The following FLT4 variants were observed in gnomAD, a reference collection of about 807,000 sequenced individuals.
The protein encoded by FLT4 is vascular endothelial growth factor receptor 3.
Under a neutral mutation model 163.2 loss-of-function variants are expected in FLT4, and 30 were observed. The ratio of observed to expected loss-of-function variants is 0.18; its 90% CI spans 0.14 to 0.25. The LOEUF (loss-of-function observed/expected upper bound fraction) is 0.25, where lower values mean the gene tolerates loss of function less well. FLT4 is among the 10% of genes least tolerant of loss of function. The pLI is 1.00. For synonymous variants in FLT4, 884 were observed against 789.5 expected (o/e 1.12, Z -2.01); for missense variants, 1,510 against 1,863.8 (o/e 0.81, Z 3.50).
Position 180,611,333 on chromosome 5 carries a change from G to A in FLT4, c.3684C>T (p.Ala1228=). ...CCTGGACCTGCAGGACAGCTGACCT[G>A]GCGGCCAGGCTGTGGCGCTGCAGGC... The part of the protein sequence containing the change: ...PPSLQRHSLA[A]RYYNWVSFPG... Residue 1228 remains alanine (A), a splice_region_variant and synonymous_variant, in exon 27 of 30, where the codon GCC becomes GCT. Coordinates refer to ENST00000261937, the MANE Select transcript of FLT4 (RefSeq NM_182925.5). 6.2e-7 allele frequency: 1 copy of A among 1,613,878 alleles called. No homozygotes were observed. The highest frequency in any genetic ancestry group is 8.5e-7 in the Non-Finnish European group (1 of 1,179,980).
chr5:180,624,743 C>G (rs905666404), intron 10 of FLT4, among the ~76,000 whole-genome samples: 2 of 152,226 alleles, frequency 1.3e-5, no homozygotes, highest in African/African-American at 4.8e-5. Context: ...GCATCTCTGC[C>G]CAGCCTCTCC....
rs1434560734 is a variant in FLT4, at chr5:180,630,699, C to A, written c.256G>T (p.Gly86Cys). ...TTGCAGTAGGGCCTGGCGTCTGTGC[C>A]CTCGCAGTCTCGCACCACCCCCGTG... is the stretch of plus-strand genomic sequence containing the variant. ...EDTGVVRDCE[G>C]TDARPYCKVL... The change falls in exon 3 of 30, where the codon GGC (glycine) becomes TGC (cysteine). Residue 86 changes from glycine to cysteine, a missense_variant. Gly to Cys is a radical substitution (Grantham distance 159). This residue lies in a region of FLT4 where 157 missense variants were observed against 178.7 expected (regional missense o/e 0.88). Transcript: ENST00000261937. The surrounding 1 kb of genome is among the most constrained non-coding windows in gnomAD (Gnocchi z 6.3). 1 of 1,612,826 alleles carries A rather than the reference C, an allele frequency of 6.2e-7. No individual in the cohort carries two copies. The highest frequency in any genetic ancestry group is 2.2e-5 in the East Asian group (1 of 44,858).
In FLT4 at chr5:180,601,876, C is replaced by T. The variant is rs990080316; in HGVS notation, c.*1316G>A. 115 of 233,344 alleles carry T rather than the reference C, an allele frequency of 4.9e-4. No individual in the cohort carries two copies. The highest frequency in any genetic ancestry group is 1.2e-3 in the Middle Eastern group (1 of 812). The allele number at this position is 233,344 out of a possible 1,614,324, so 14.5% of individuals were successfully genotyped here. A position where few individuals can be genotyped will look rare whatever the true frequency, so the allele number is the denominator to read the frequency against. On this transcript the variant is annotated 3_prime_UTR_variant, in exon 30 of 30. Coordinates refer to ENST00000261937, the MANE Select transcript of FLT4 (RefSeq NM_182925.5). ...GCCGGGCAAGCCCCTGCCCGCTGCGCGGCGCCTGTCCTGCAAGCGTCTGGT... is the reference window on the plus strand; with the variant it reads ...GCCGGGCAAGCCCCTGCCCGCTGCGTGGCGCCTGTCCTGCAAGCGTCTGGT...
intron 8 of FLT4, among the ~76,000 whole-genome samples, chr5:180,627,329 C>T (rs765374565): frequency 2.6e-5 from 4 of 152,068 alleles, no homozygotes; most frequent in South Asian, 2.1e-4. Flanking sequence ...GGCCTGGGGT[C>T]GCAGAGTGAG....
chr5:180,627,706 G>A lies in FLT4; in HGVS notation c.1103+1176C>T, dbSNP rs1331974105. On this transcript the variant is annotated intron_variant, in intron 8 of 29. Transcript: ENST00000261937. Reference sequence around the variant, plus strand: ...AAGCTGTTCTGAGAGGCAGCTGCCTGAGGACTGGGTAGACCCTGGACGCAA... The same window carrying A: ...AAGCTGTTCTGAGAGGCAGCTGCCTAAGGACTGGGTAGACCCTGGACGCAA... Among the ~76,000 whole-genome samples the A allele has an allele frequency of 2.6e-5, 4 of 152,208 alleles. No homozygotes were observed. The South Asian group carries it at 8.3e-4, about 32-fold the overall frequency.
chr5:180,631,564 G>A (rs1764164096), intron 2 of FLT4, 118 bp downstream of exon 2: 1 of 819,142 alleles, frequency 1.2e-6, no homozygotes, highest in Admixed American at 1.8e-5. Context: ...ACGGCCCCGA[G>A]GCCACTCTGC....
At chr5:180,647,690 G>A (rs1765551066) in intron 1 of FLT4, among the ~76,000 whole-genome samples, 1 of 152,026 alleles carries the variant, frequency 6.6e-6, no homozygotes, top group Non-Finnish European at 1.5e-5. Context: ...AGGGGGTACA[G>A]CAAGGTGCAG....
Position 180,619,093 on chromosome 5 carries a change from G to T in FLT4, c.2778C>A (p.Ile926=). Reference sequence around the variant, plus strand: ...GGTTGCCGTACTTGCAGAACTCCACGATCACCATGAGGGGGCCTGCGGCGG... The same window carrying T: ...GGTTGCCGTACTTGCAGAACTCCACTATCACCATGAGGGGGCCTGCGGCGG... ...CTKPQGPLMV[I]VEFCKYGNLS... Residue 926 remains isoleucine, a synonymous_variant, in exon 20 of 30, where the codon ATC becomes ATA. Transcript: ENST00000261937. 1 of 1,555,208 alleles carries T rather than the reference G, an allele frequency of 6.4e-7. No individual in the cohort carries two copies. Among genetic ancestry groups the T allele is most frequent in the South Asian group, 1.2e-5 (1 of 84,508 alleles).
chr5:180,626,331 C>G, intron 8 of FLT4, 66 bp from the exon 9 acceptor site: 7 of 1,563,894 alleles, frequency 4.5e-6, no homozygotes, highest in Non-Finnish European at 6.1e-6. Flanking sequence ...ATGCTGGCAC[C>G]CCCACCCCAA....
Position 180,620,827 on chromosome 5 carries a change from G to C in FLT4, c.2299+49C>G, listed in dbSNP as rs759264390. 6.2e-7 allele frequency: 1 copy of C among 1,609,450 alleles called. No individual in the cohort carries two copies. The highest frequency in any genetic ancestry group is 8.5e-7 in the Non-Finnish European group (1 of 1,178,662). ...TTGCCCAAGGTGGCCACAAGAAAGCGTTAACTGGGGACGGGAAGGGAGTTG... is the reference window on the plus strand; with the variant it reads ...TTGCCCAAGGTGGCCACAAGAAAGCCTTAACTGGGGACGGGAAGGGAGTTG... On this transcript the variant is annotated intron_variant, in intron 15 of 29. Transcript: ENST00000261937. This position sits in a 1 kb window ranked among gnomAD's most constrained non-coding sequence, Gnocchi z 4.4.
Position 180,603,007 on chromosome 5 carries a change from A to G in FLT4, c.*185T>C. 1 of 642,056 alleles carries G rather than the reference A, an allele frequency of 1.6e-6. No homozygotes were observed. The allele number at this position is 642,056 out of a possible 1,614,324, so 39.8% of individuals were successfully genotyped here. On this transcript the variant is annotated 3_prime_UTR_variant, in exon 30 of 30. Coordinates refer to ENST00000261937, the MANE Select transcript of FLT4 (RefSeq NM_182925.5). ...AGCGTGGCCCTGGCCAGTCGTGGTGACGGAATTCCGGGAGCCTTGGGCCTG... is the reference window on the plus strand; with the variant it reads ...AGCGTGGCCCTGGCCAGTCGTGGTGGCGGAATTCCGGGAGCCTTGGGCCTG...
At position 180,610,101 on chromosome 5, in the gene FLT4, G is replaced by A; in HGVS notation, c.3687-76C>T. 1.9e-6 allele frequency: 3 copies of A among 1,603,672 alleles called. No individual in the cohort carries two copies. The South Asian group carries it at 3.3e-5, about 18-fold the overall frequency. On this transcript the variant is annotated intron_variant, in intron 27 of 29. Transcript: ENST00000261937. ...TCGAACTTCTCTCCACTGTCCCTGT[G>A]CCCCCTCTTCTCCTGGAAAGGACCC...
At chr5:180,621,410 A>G in intron 13 of FLT4, 132 bp downstream of exon 13, 1 of 1,434,106 alleles carries the variant, frequency 7.0e-7, no homozygotes, top group Non-Finnish European at 9.4e-7. Context: ...GGCGGCGGAT[A>G]GTCAGGAGGG....
At chr5:180,644,256 G>A (rs1765352854) in intron 1 of FLT4, among the ~76,000 whole-genome samples, 1 of 152,240 alleles carries the variant, frequency 6.6e-6, no homozygotes, top group Non-Finnish European at 1.5e-5. Flanking sequence ...TAGTATGTGT[G>A]GGCAGGTGTA....
chr5:180,628,920 G>A lies in FLT4; in HGVS notation c.1065C>T (p.Pro355=), dbSNP rs765314048. 1.6e-5 allele frequency: 26 copies of A among 1,612,364 alleles called. 1 individual carries two copies. The highest frequency in any genetic ancestry group is 5.5e-5 in the South Asian group (5 of 91,076). ...GCGGGGGGTACGCTGCCAGCTTCAC[G>A]GGCAGCTTCACCAGCTCGTCTCCTG... ...ATAGDELVKL[P]VKLAAYPPPE... Residue 355 remains proline (P), a synonymous_variant, in exon 8 of 30, where the codon CCC becomes CCT. Transcript: ENST00000261937.
At position 180,638,764 on chromosome 5, in the gene FLT4, A is replaced by C. The variant is rs1258702352; in HGVS notation, c.59-6986T>G. Among the ~76,000 whole-genome samples, 3 of 152,208 alleles carry C rather than the reference A, an allele frequency of 2.0e-5. No individual in the cohort carries two copies. In the East Asian group the frequency reaches 5.8e-4, roughly 29 times the overall value. On this transcript the variant is annotated intron_variant, in intron 1 of 29. Coordinates refer to ENST00000261937, the MANE Select transcript of FLT4 (RefSeq NM_182925.5). ...TAGACACGGCCTCCTCACCCCTACA[A>C]AATGGCTCCATCCTAGCCTCCTGGC...
chr5:180,648,900 C>G (rs899345144), intron 1 of FLT4, among the ~76,000 whole-genome samples: 1 of 152,210 alleles, frequency 6.6e-6, no homozygotes, highest in Non-Finnish European at 1.5e-5. Flanking sequence ...AGATTCGTCT[C>G]AAGTGCCAGC....
At position 180,616,887 on chromosome 5, in the gene FLT4, G is replaced by A. The variant is rs561691396; in HGVS notation, c.3096+13C>T. The A allele has an allele frequency of 6.2e-5, 100 of 1,607,918 alleles. No homozygotes were observed. Among genetic ancestry groups the A allele is most frequent in the Non-Finnish European group, 8.0e-5 (94 of 1,174,988 alleles). On this transcript the variant is annotated intron_variant, in intron 22 of 29. Transcript: ENST00000261937. ...CCCTTTTCCCGTCTGAAGGGCCTTC[G>A]GGGGAAGCTCACCTTTCGGGAAGCC...
At chr5:180,645,719 C>T (rs1253698708) in intron 1 of FLT4, among the ~76,000 whole-genome samples, 3 of 152,210 alleles carry the variant, frequency 2.0e-5, no homozygotes, top group South Asian at 4.1e-4. Flanking sequence ...GCTCCTCCTC[C>T]GGGAATGAAT....
Sources: allele counts gnomAD v4.1 joint callset (sites outside exome capture counted in the v4.1 genomes callset), GRCh38; gene constraint gnomAD v4.1.1; regional missense constraint gnomAD v4.1.1; non-coding constraint Gnocchi (gnomAD v3.1); transcripts MANE v1.5; gene names NCBI Gene and HGNC (gene_info 2026-07-23, HGNC 2026-07-21).